The following CTCF variants were observed in gnomAD, a reference collection of about 807,000 sequenced individuals.
CTCF encodes the protein CCCTC-binding factor.
In CTCF, 7 loss-of-function variants were observed where a neutral mutation model predicts 72.3. That is an observed-to-expected ratio of 0.10 (90% CI 0.06 to 0.18). CTCF has a LOEUF of 0.18. CTCF is among the 10% of genes least tolerant of loss of function. The pLI, the probability that CTCF is intolerant of heterozygous loss-of-function variation, is 1.00. For missense variants in CTCF, 516 were observed against 949.1 expected (o/e 0.54, Z 6.00); for synonymous variants, 374 against 315.8 (o/e 1.18, Z -1.95).
At chr16:67,566,415 C>T (rs1469622103) in intron 1 of CTCF, among the ~76,000 whole-genome samples, 1 of 144,980 alleles carries the variant, frequency 6.9e-6, no homozygotes, top group African/African-American at 2.5e-5. Flanking sequence ...GAGGCTGAGT[C>T]AGGAGAATCA....
chr16:67,577,187 G>A (rs923987818), intron 2 of CTCF, among the ~76,000 whole-genome samples: 1 of 151,650 alleles, frequency 6.6e-6, no homozygotes, highest in Non-Finnish European at 1.5e-5. Flanking sequence ...GGGAGGCCGA[G>A]GTGGGCGGAT....
intron 1 of CTCF, among the ~76,000 whole-genome samples, chr16:67,570,373 C>G (rs554494228): frequency 2.0e-5 from 3 of 151,948 alleles, no homozygotes; most frequent in Admixed American, 6.6e-5. Flanking sequence ...AGCCACTGCG[C>G]CCAGCCAATA....
At chr16:67,615,977 C>G (rs2052127247) in intron 4 of CTCF, 1 of 152,226 alleles carries the variant, frequency 6.6e-6, no homozygotes, top group African/African-American at 2.4e-5. Context: ...CTGCTGCCCA[C>G]AATTACAGAT....
chr16:67,619,586 G>C (rs1158318722), intron 5 of CTCF, among the ~76,000 whole-genome samples: 1 of 151,990 alleles, frequency 6.6e-6, no homozygotes, highest in East Asian at 1.9e-4. Flanking sequence ...TTTGGAGCAG[G>C]GGGTGCGTGG....
At chr16:67,578,325 CTTTTT>C (rs944395345) in intron 2 of CTCF, among the ~76,000 whole-genome samples, 1 of 84,478 alleles carries the variant, frequency 1.2e-5, no homozygotes. Flanking sequence ...GTTTATGTAT[CTTTTT>C]TTTTTTTTTT....
intron 1 of CTCF, among the ~76,000 whole-genome samples, chr16:67,569,184 GATTTT>G (rs1236756633): frequency 1.3e-5 from 2 of 149,374 alleles, no homozygotes; most frequent in African/African-American, 4.9e-5. Context: ...TTTCATTTGG[GATTTT>G]ATTTTATTCT....
At chr16:67,577,140 C>T (rs1382349927) in intron 2 of CTCF, among the ~76,000 whole-genome samples, 10 of 151,666 alleles carry the variant, frequency 6.6e-5, no homozygotes, top group South Asian at 2.1e-4. Flanking sequence ...TGAAATGGGC[C>T]GGGCGTGGTG....
intron 2 of CTCF, among the ~76,000 whole-genome samples, chr16:67,587,014 C>G (rs1390433021): frequency 6.6e-6 from 1 of 151,820 alleles, no homozygotes; most frequent in Non-Finnish European, 1.5e-5. Context: ...AGGCTTGTCC[C>G]ATCTCTTGGG....
intron 2 of CTCF, among the ~76,000 whole-genome samples, chr16:67,584,801 C>G (rs183113220): frequency 6.6e-6 from 1 of 152,166 alleles, no homozygotes; most frequent in Non-Finnish European, 1.5e-5. Context: ...CAAAGTGATT[C>G]ACCTAAGGTC....
intron 2 of CTCF, among the ~76,000 whole-genome samples, chr16:67,573,651 C>T (rs1198234234): frequency 6.6e-6 from 1 of 152,126 alleles, no homozygotes; most frequent in Non-Finnish European, 1.5e-5. Context: ...CTGCTCCTTA[C>T]TTTGTCCTTG....
intron 2 of CTCF, among the ~76,000 whole-genome samples, chr16:67,607,834 A>G (rs1567607003): frequency 6.6e-6 from 1 of 150,676 alleles, no homozygotes; most frequent in Non-Finnish European, 1.5e-5. Context: ...CCTGGCCAAC[A>G]TAGTGAAACC....
chr16:67,629,471 A>C lies in CTCF; in HGVS notation c.1775A>C (p.Lys592Thr). The C allele has an allele frequency of 6.2e-7, 1 of 1,613,650 alleles. No homozygotes were observed. Among genetic ancestry groups the C allele is most frequent in the Non-Finnish European group, 8.5e-7 (1 of 1,179,824 alleles). The change falls in exon 10 of 12, where the codon AAG becomes ACG. Residue 592 changes from lysine to threonine, a missense_variant. Around this residue, in one of 7 missense-constraint regions of CTCF, gnomAD observed 157 missense variants for 172.9 expected, o/e 0.91. Coordinates refer to ENST00000264010, the MANE Select transcript of CTCF (RefSeq NM_006565.4). ...GVEGENGGET[K>T]KSKRGRKRKM... The stretch of plus-strand genomic sequence containing the variant: ...GAGGGGGAAAATGGAGGAGAAACGA[A>C]GAAGAGTAAACGTGGAAGAAAAAGA...
At chr16:67,572,895 G>A (rs890191802) in intron 2 of CTCF, among the ~76,000 whole-genome samples, 4 of 146,536 alleles carry the variant, frequency 2.7e-5, no homozygotes, top group Non-Finnish European at 4.5e-5. Flanking sequence ...AGCCAGGATT[G>A]TGTCACTGCA....
At chr16:67,586,467 C>T (rs1057134819) in intron 2 of CTCF, among the ~76,000 whole-genome samples, 14 of 150,994 alleles carry the variant, frequency 9.3e-5, no homozygotes, top group African/African-American at 2.4e-4. Context: ...ACCCGGGAGG[C>T]AGAGGTTGCA....
intron 2 of CTCF, among the ~76,000 whole-genome samples, chr16:67,573,107 C>T (rs551543098): frequency 6.6e-6 from 1 of 152,068 alleles, no homozygotes; most frequent in South Asian, 2.1e-4. Flanking sequence ...AAAAAATTAG[C>T]TGGGTGTAGT....
chr16:67,577,328 G>A (rs1449358083), intron 2 of CTCF, among the ~76,000 whole-genome samples: 2 of 135,914 alleles, frequency 1.5e-5, no homozygotes, highest in African/African-American at 5.5e-5. Flanking sequence ...TGAGGTGGGA[G>A]AATGGTGTGA....
chr16:67,596,691 T>A (rs1054449194), intron 2 of CTCF, among the ~76,000 whole-genome samples: 1 of 152,034 alleles, frequency 6.6e-6, no homozygotes, highest in Non-Finnish European at 1.5e-5. Context: ...TTCAAGCAAT[T>A]TCCCTGGCTT....
chr16:67,628,501 C>T lies in CTCF; in HGVS notation c.1650C>T (p.Phe550=), dbSNP rs373346637. The T allele has an allele frequency of 1.6e-5, 26 of 1,614,112 alleles. No homozygotes were observed. The highest frequency in any genetic ancestry group is 1.5e-4 in the Admixed American group (9 of 59,996). The part of the protein sequence containing the change: ...MHFKRYHDPN[F]VPAAFVCSKC... ...TCAAGCGCTATCACGACCCCAACTT[C>T]GTCCCTGCGGCTTTTGTCTGTTCTA... Residue 550 remains phenylalanine, a synonymous_variant, in exon 9 of 12, where the codon TTC becomes TTT. Transcript: ENST00000264010.
chr16:67,585,576 G>C (rs746045952), intron 2 of CTCF, among the ~76,000 whole-genome samples: 1 of 152,158 alleles, frequency 6.6e-6, no homozygotes, highest in Non-Finnish European at 1.5e-5. Flanking sequence ...CTTACAGGCA[G>C]TATTGGTTAG....
Sources: gnomAD v4.1 joint callset for allele counts (sites outside exome capture counted in the v4.1 genomes callset) on GRCh38, gnomAD v4.1.1 for gene constraint, gnomAD v4.1.1 regional missense constraint, MANE v1.5 for transcripts, NCBI Gene and HGNC (gene_info 2026-07-23, HGNC 2026-07-21) for gene names.